Variants in TNIP1 observed in about 807,000 individuals in gnomAD.
TNIP1 encodes TNFAIP3-interacting protein 1.
TNIP1 carries 22 observed loss-of-function variants against 86.6 expected under a neutral mutation model. That is an observed-to-expected ratio of 0.25 (90% CI 0.18 to 0.36). The LOEUF is 0.36. Among genes scored for constraint, TNIP1 ranks in the 10% least tolerant of loss-of-function variants. The probability of loss-of-function intolerance (pLI) is 1.00; values close to 1 mark genes in which losing one functional copy is unlikely to be tolerated. For synonymous variants in TNIP1, 294 were observed against 313.0 expected, an observed-to-expected ratio of 0.94 and a Z score of 0.64; for missense variants, 709 against 820.6, an observed-to-expected ratio of 0.86 and a Z score of 1.66.
intron 1 of TNIP1, among the ~76,000 whole-genome samples, chr5:151,080,596 C>A (rs1418560641): frequency 6.6e-6 from 1 of 152,246 alleles, no homozygotes; most frequent in East Asian, 1.9e-4. Flanking sequence ...CAGCGCCGCC[C>A]GCACCCGGAG....
chr5:151,056,917 A>T lies in TNIP1; in HGVS notation c.476T>A (p.Leu159Gln). 6.3e-7 allele frequency: 1 copy of T among 1,587,080 alleles called. No homozygotes were observed. The highest frequency in any genetic ancestry group is 8.6e-7 in the Non-Finnish European group (1 of 1,167,160). ...CGTGGTCTCCAGGCGCTGCAGGTGCAGCATCAGGTTGCCGTCCTCACGGGG... is the reference window on the plus strand; with the variant it reads ...CGTGGTCTCCAGGCGCTGCAGGTGCTGCATCAGGTTGCCGTCCTCACGGGG... Reference protein sequence around the residue: ...PLPREDGNLMLHLQRLETTLS... With the variant: ...PLPREDGNLMQHLQRLETTLS... The change falls in exon 6 of 18, where the codon CTG (leucine) becomes CAG (glutamine). Residue 159 changes from leucine (L) to glutamine (Q), a missense_variant. Transcript: ENST00000521591.
chr5:151,048,439 T>C (rs987039717), intron 8 of TNIP1, among the ~76,000 whole-genome samples: 3 of 152,208 alleles, frequency 2.0e-5, no homozygotes, highest in African/African-American at 4.8e-5. Flanking sequence ...AGGAGTCTTA[T>C]GTGACTTACC....
intron 7 of TNIP1, 150 bp from the exon 8 acceptor site, chr5:151,050,097 G>A (rs1759711165): frequency 7.6e-7 from 1 of 1,320,960 alleles, no homozygotes; most frequent in African/African-American, 1.5e-5. Context: ...AAACCAAAAA[G>A]GGCATCTTCA....
chr5:151,080,612 G>T (rs571199583), intron 1 of TNIP1, among the ~76,000 whole-genome samples: 1 of 152,364 alleles, frequency 6.6e-6, no homozygotes, highest in East Asian at 1.9e-4. Context: ...CGGAGGGTCT[G>T]CGCTCTCTAC....
At chr5:151,086,850 C>T (rs969289517) in intron 1 of TNIP1, among the ~76,000 whole-genome samples, 2 of 152,210 alleles carry the variant, frequency 1.3e-5, no homozygotes, top group African/African-American at 2.4e-5. Flanking sequence ...GAAGAAGGAA[C>T]GAGATGGGGG....
chr5:151,077,847 G>C (rs926651120), intron 1 of TNIP1, among the ~76,000 whole-genome samples: 2 of 152,188 alleles, frequency 1.3e-5, no homozygotes, highest in Non-Finnish European at 2.9e-5. Flanking sequence ...TCTATGTCTG[G>C]TATCAAAATC....
At chr5:151,074,580 C>G (rs1487590287) in intron 1 of TNIP1, among the ~76,000 whole-genome samples, 1 of 152,102 alleles carries the variant, frequency 6.6e-6, no homozygotes, top group Non-Finnish European at 1.5e-5. Flanking sequence ...CAGACAGGAG[C>G]AGTAATGGCT....
chr5:151,032,137 ATTACTCTCCATTCAACACT>A, intron 17 of TNIP1, 131 bp downstream of exon 17: 1 of 643,622 alleles, frequency 1.6e-6, no homozygotes, highest in Non-Finnish European at 2.7e-6. Context: ...TGTGGTTGCC[ATTACTCTCCATTCAACACT>A]GTTTTGGAAA....
chr5:151,079,084 C>T (rs1192123123), intron 1 of TNIP1, among the ~76,000 whole-genome samples: 1 of 152,192 alleles, frequency 6.6e-6, no homozygotes, highest in Non-Finnish European at 1.5e-5. Flanking sequence ...GGCTGGGAGA[C>T]AAACGTGGTT....
chr5:151,048,821 G>A (rs957504277), intron 8 of TNIP1, among the ~76,000 whole-genome samples: 2 of 152,154 alleles, frequency 1.3e-5, no homozygotes, highest in Non-Finnish European at 2.9e-5. Flanking sequence ...GCTGGGATTC[G>A]GAACACCAGG....
At position 151,042,558 on chromosome 5, in the gene TNIP1, G is replaced by T; in HGVS notation, c.1116C>A (p.Ser372=). 6.2e-7 allele frequency: 1 copy of T among 1,613,192 alleles called. No individual in the cohort carries two copies. The highest frequency in any genetic ancestry group is 8.5e-7 in the Non-Finnish European group (1 of 1,179,992). ...CACTTGCCTCCTCCATTTCAATCTT[G>T]GACTTGGCCAGGAGGAGCTTGCGGT... The part of the protein sequence containing the change: ...DFDRKLLLAK[S]KIEMEETDKE... Residue 372 remains serine, a synonymous_variant, in exon 11 of 18, where the codon TCC becomes TCA. Transcript: ENST00000521591.
chr5:151,046,194 C>T (rs1470165078), intron 8 of TNIP1: 3 of 533,442 alleles, frequency 5.6e-6, no homozygotes, highest in East Asian at 6.5e-5. Flanking sequence ...TTCCCTTCTC[C>T]CCTCCCTACG....
chr5:151,046,524 A>C (rs377520335), intron 8 of TNIP1, among the ~76,000 whole-genome samples: 1 of 152,336 alleles, frequency 6.6e-6, no homozygotes, highest in South Asian at 2.1e-4. Context: ...AGCAGCACTG[A>C]GCAAACCTAG....
upstream of TNIP1, among the ~76,000 whole-genome samples, chr5:151,082,819 A>T (rs1279004662): frequency 6.6e-6 from 1 of 152,144 alleles, no homozygotes; most frequent in African/African-American, 2.4e-5. Flanking sequence ...GAGAAAACTC[A>T]TTTATTTATA....
rs941614879 is a variant in TNIP1 at position 151,077,869 on chromosome 5, T to C, written c.-37+3011A>G. Reference sequence around the variant, plus strand: ...CTGGTATCAAAATCTTTTAGGGTCTTTCCCAGGCCAACTGGTCAATTCTCC... The same window carrying C: ...CTGGTATCAAAATCTTTTAGGGTCTCTCCCAGGCCAACTGGTCAATTCTCC... On this transcript the variant is annotated intron_variant, in intron 1 of 17. Transcript: ENST00000521591. Among the ~76,000 whole-genome samples, 6 of 152,224 alleles carry C rather than the reference T, an allele frequency of 3.9e-5. 1 individual carries two copies. Among genetic ancestry groups the C allele is most frequent in the Non-Finnish European group, 7.3e-5 (5 of 68,036 alleles).
chr5:151,084,375 G>T (rs1331749626), upstream of TNIP1, among the ~76,000 whole-genome samples: 4 of 151,778 alleles, frequency 2.6e-5, no homozygotes, highest in Admixed American at 6.6e-5. Context: ...AACCCAGGAG[G>T]TGGAGGTTGC....
intron 6 of TNIP1, among the ~76,000 whole-genome samples, chr5:151,053,112 T>C (rs990469314): frequency 6.8e-6 from 1 of 146,178 alleles, no homozygotes; most frequent in Non-Finnish European, 1.5e-5. Context: ...TTTTTTTTTT[T>C]TTTTTTTTTT....
intron 1 of TNIP1, among the ~76,000 whole-genome samples, chr5:151,067,611 G>A (rs1762383019): frequency 6.6e-6 from 1 of 152,228 alleles, no homozygotes; most frequent in African/African-American, 2.4e-5. Flanking sequence ...GAAGGCATGG[G>A]GAATTTCTTA....
At chr5:151,068,621 G>T (rs182651571) in intron 1 of TNIP1, among the ~76,000 whole-genome samples, 1 of 152,322 alleles carries the variant, frequency 6.6e-6, no homozygotes, top group African/African-American at 2.4e-5. Context: ...GAGCTCATCT[G>T]ATTCTCACTC....
Sources: allele counts gnomAD v4.1 joint callset (sites outside exome capture counted in the v4.1 genomes callset), GRCh38; gene constraint gnomAD v4.1.1; transcripts MANE v1.5; gene names NCBI Gene and HGNC (gene_info 2026-07-23, HGNC 2026-07-21).